Variants in PRDM11 observed in about 807,000 individuals in gnomAD.
The protein encoded by PRDM11 is PR/SET domain 11, also known as PR domain-containing protein 11.
A neutral mutation model predicts 97.8 loss-of-function variants in PRDM11; 20 were observed. The ratio of observed to expected loss-of-function variants is 0.20; its 90% CI spans 0.14 to 0.30. The LOEUF is 0.30. Ranked by LOEUF, PRDM11 falls within the 10% of genes least tolerant of loss-of-function variation. The pLI is 1.00. For synonymous variants in PRDM11, 599 were observed against 637.7 expected, an observed-to-expected ratio of 0.94 and a Z score of 0.91; for missense variants, 1,139 against 1,555.2, an observed-to-expected ratio of 0.73 and a Z score of 4.50.
intron 1 of PRDM11, among the ~76,000 whole-genome samples, chr11:45,178,241 C>G (rs927256819): frequency 1.3e-5 from 2 of 152,038 alleles, no homozygotes; most frequent in South Asian, 4.1e-4. Flanking sequence ...CCTCTGTGCC[C>G]TCCTCGTTTA....
intron 1 of PRDM11, among the ~76,000 whole-genome samples, chr11:45,118,689 C>T (rs1204424295): frequency 1.3e-5 from 2 of 152,178 alleles, no homozygotes; most frequent in African/African-American, 4.8e-5. Context: ...GGAACTTCCT[C>T]CATATGATAA....
At position 45,135,128 on chromosome 11, in the gene PRDM11, A is replaced by ACTCTCTCTCT. The variant is rs58588988; in HGVS notation, c.96+39241_96+39250dup. On this transcript the variant is annotated intron_variant, in intron 1 of 6. Coordinates refer to the PRDM11 transcript ENST00000530656. ...AAAAGAAGAATCCAATTTTAATTAT[A>ACTCTCTCTCT]CTCTCTCTCTCTCTCTCTCTCTCCT... Among the ~76,000 whole-genome samples, 225 of 148,926 alleles carry ACTCTCTCTCT rather than the reference A, an allele frequency of 1.5e-3. 1 individual carries two copies. The highest frequency in any genetic ancestry group is 5.2e-3 in the African/African-American group (212 of 40,560).
intron 1 of PRDM11, among the ~76,000 whole-genome samples, chr11:45,133,601 C>T (rs1480558669): frequency 1.4e-4 from 21 of 152,320 alleles, no homozygotes; most frequent in Admixed American, 9.8e-4. Context: ...AACCAGTGTT[C>T]GCTGAGTTTC....
At chr11:45,160,224 C>T (rs1308966434) in intron 1 of PRDM11, among the ~76,000 whole-genome samples, 4 of 152,198 alleles carry the variant, frequency 2.6e-5, no homozygotes, top group African/African-American at 9.6e-5. Flanking sequence ...TGTTGGCATG[C>T]CTCCAGGGAC....
intron 5 of PRDM11, among the ~76,000 whole-genome samples, chr11:45,215,255 G>A (rs570249928): frequency 2.0e-5 from 3 of 152,310 alleles, no homozygotes; most frequent in East Asian, 1.9e-4. Flanking sequence ...CCAAGAGGAA[G>A]CCTCCTCACC....
chr11:45,154,806 C>T (rs1197384248), intron 1 of PRDM11, among the ~76,000 whole-genome samples: 1 of 152,214 alleles, frequency 6.6e-6, no homozygotes, highest in Non-Finnish European at 1.5e-5. Flanking sequence ...AACTGAGGCT[C>T]AGAGAGGGGA....
Position 45,182,936 on chromosome 11 carries a change from C to G in PRDM11, c.299C>G (p.Pro100Arg). The change falls in exon 4 of 8, where the codon CCG becomes CGG. Residue 100 changes from proline to arginine, a missense_variant. By Grantham distance (103) the Pro-to-Arg change is moderately radical. Around this residue, in one of 2 missense-constraint regions of PRDM11, gnomAD observed 429 missense variants for 510.3 expected, o/e 0.84. Transcript: ENST00000683152. ...CCCCCGGTGTTTGTGTCTGACACAC[C>G]GGTGCCCGTGGGCATCCCAGACCGG... ...HGPPVFVSDT[P>R]VPVGIPDRAA... 1 of 1,613,610 alleles carries G rather than the reference C, an allele frequency of 6.2e-7. No homozygotes were observed. The highest frequency in any genetic ancestry group is 1.1e-5 in the South Asian group (1 of 91,030).
intron 1 of PRDM11, among the ~76,000 whole-genome samples, chr11:45,106,503 C>T (rs1335056178): frequency 6.6e-6 from 1 of 152,182 alleles, no homozygotes; most frequent in African/African-American, 2.4e-5. Context: ...ATAAGACAGC[C>T]ATTTTATTAT....
chr11:45,189,016 C>T (rs1339277298), intron 4 of PRDM11, among the ~76,000 whole-genome samples: 2 of 152,198 alleles, frequency 1.3e-5, no homozygotes, highest in Non-Finnish European at 2.9e-5. Context: ...ATTCTCCTGC[C>T]TCAGCCTCCC....
chr11:45,164,545 C>A (rs1852013294), intron 1 of PRDM11, among the ~76,000 whole-genome samples: 1 of 152,234 alleles, frequency 6.6e-6, no homozygotes, highest in South Asian at 2.1e-4. Context: ...CTGTGGTGAG[C>A]CCCTCTTGCA....
In PRDM11 at chr11:45,146,876, A is replaced by G. The variant is rs1232899120; in HGVS notation, c.-8A>G. 6.9e-6 allele frequency: 1 copy of G among 144,946 alleles called. No individual in the cohort carries two copies. Among genetic ancestry groups the G allele is most frequent in the African/African-American group, 2.5e-5 (1 of 40,552 alleles). 9.0% of individuals were successfully genotyped at this position (144,946 alleles called of 1,614,324 possible). ...CGCGGCTGCCGCAGCATTCCCGGGAAGGTGAGTCAGCCCCGGTAGCCAATG... is the reference window on the plus strand; with the variant it reads ...CGCGGCTGCCGCAGCATTCCCGGGAGGGTGAGTCAGCCCCGGTAGCCAATG... On this transcript the variant is annotated splice_region_variant and 5_prime_UTR_variant, in exon 1 of 8. Coordinates refer to ENST00000683152, the MANE Select transcript of PRDM11 (RefSeq NM_001384648.1).
chr11:45,096,598 C>T (rs1851889980), intron 1 of PRDM11, among the ~76,000 whole-genome samples: 1 of 152,138 alleles, frequency 6.6e-6, no homozygotes, highest in African/African-American at 2.4e-5. Flanking sequence ...AAAAGACATC[C>T]TCAGATGTTC....
chr11:45,152,678 A>C (rs1236886664), intron 1 of PRDM11, among the ~76,000 whole-genome samples: 1 of 152,222 alleles, frequency 6.6e-6, no homozygotes, highest in Non-Finnish European at 1.5e-5. Flanking sequence ...AAATCTTCAC[A>C]GCGATGCCCT....
chr11:45,197,702 C>T (rs551150002), intron 4 of PRDM11, among the ~76,000 whole-genome samples: 10 of 152,180 alleles, frequency 6.6e-5, no homozygotes, highest in East Asian at 5.8e-4. Context: ...GAAAAAAGGA[C>T]GAGTTCATGT....
chr11:45,111,684 ACTC>A (rs1346024403), intron 1 of PRDM11, among the ~76,000 whole-genome samples: 1 of 152,016 alleles, frequency 6.6e-6, no homozygotes, highest in Admixed American at 6.6e-5. Flanking sequence ...AACCACATGC[ACTC>A]GAACCCTCCG....
intron 6 of PRDM11, among the ~76,000 whole-genome samples, chr11:45,221,929 A>G (rs1443006098): frequency 6.6e-6 from 1 of 152,142 alleles, no homozygotes; most frequent in East Asian, 1.9e-4. Context: ...TCTGAAAGGG[A>G]GATCCCCTAT....
rs1192859821 is a variant in PRDM11 at position 45,228,172 on chromosome 11, G to A, written c.*13G>A. 6.7e-7 allele frequency: 1 copy of A among 1,500,822 alleles called. No individual in the cohort carries two copies. Among genetic ancestry groups the A allele is most frequent in the Non-Finnish European group, 8.9e-7 (1 of 1,129,028 alleles). 93.0% of individuals were successfully genotyped at this position (1,500,822 alleles called of 1,614,324 possible). The stretch of plus-strand genomic sequence containing the variant: ...CCCCGACATTTAGGGAGCTGGCGCT[G>A]CAGAGTTCACTAAGCTGTTGAATAT... On this transcript the variant is annotated 3_prime_UTR_variant, in exon 8 of 8. Coordinates refer to ENST00000683152, the MANE Select transcript of PRDM11 (RefSeq NM_001384648.1).
Position 45,232,897 on chromosome 11 carries a change from C to T in PRDM11, c.*4738C>T, listed in dbSNP as rs909990787. On this transcript the variant is annotated 3_prime_UTR_variant, in exon 8 of 8. Transcript: ENST00000683152. ...GGAAAATGGTACGCCCCTCCACTTC[C>T]ATCTGGCACTCCCTTCCCCCCCACC... is the stretch of plus-strand genomic sequence containing the variant. 6.6e-6 allele frequency: 1 copy of T among 152,108 alleles called. No homozygotes were observed. The highest frequency in any genetic ancestry group is 2.4e-5 in the African/African-American group (1 of 41,412). 9.4% of individuals were successfully genotyped at this position (152,108 alleles called of 1,614,324 possible).
Position 45,101,583 on chromosome 11 carries a change from A to T in PRDM11, c.96+5682A>T, listed in dbSNP as rs187994423. Among the ~76,000 whole-genome samples, 987 of 148,834 alleles carry T rather than the reference A, an allele frequency of 6.6e-3. 19 individuals carry two copies. The highest frequency in any genetic ancestry group is 0.016 in the South Asian group (74 of 4,672). ...AAAAAAAAAAAAGAAGAAGAAGAAG[A>T]AGAAGAAGAAGAAGAAGGCGTTCAG... On this transcript the variant is annotated intron_variant, in intron 1 of 6. Transcript: ENST00000530656.
Sources: allele counts gnomAD v4.1 joint callset (sites outside exome capture counted in the v4.1 genomes callset), GRCh38; gene constraint gnomAD v4.1.1; regional missense constraint gnomAD v4.1.1; transcripts MANE v1.5; gene names NCBI Gene and HGNC (gene_info 2026-07-23, HGNC 2026-07-21).